TTC39A: variants seen among roughly 807,000 people sequenced by gnomAD.
The protein encoded by TTC39A is tetratricopeptide repeat domain 39A.
Under a neutral mutation model 82.3 loss-of-function variants are expected in TTC39A, and 46 were observed. That is an observed-to-expected ratio of 0.56 (90% CI 0.44 to 0.71). The LOEUF (loss-of-function observed/expected upper bound fraction) is 0.71. TTC39A is among the 30% of genes least tolerant of loss of function. TTC39A has a pLI of 0.00. For missense variants in TTC39A, 543 were observed against 712.9 expected (o/e 0.76, Z 2.71); for synonymous variants, 254 against 275.2 (o/e 0.92, Z 0.76).
intron 1 of TTC39A, chr1:51,344,984 C>T (rs1030672409): frequency 5.2e-6 from 8 of 1,525,834 alleles, no homozygotes; most frequent in South Asian, 4.9e-5. Flanking sequence ...CCACCCCTGC[C>T]CGGTACCTGC....
chr1:51,309,212 A>G, intron 6 of TTC39A, 49 bp downstream of exon 6: 1 of 1,560,710 alleles, frequency 6.4e-7, no homozygotes, highest in Non-Finnish European at 8.7e-7. Context: ...AGCCTAGCAG[A>G]TGCTGTGGCC....
intron 5 of TTC39A, chr1:51,309,559 G>A (rs1022373090): frequency 2.9e-5 from 26 of 902,758 alleles, no homozygotes; most frequent in East Asian, 1.3e-4. Context: ...GAGAGGCCTG[G>A]AGGGGCCACG....
At chr1:51,322,490 C>T (rs1645565489) in intron 1 of TTC39A, among the ~76,000 whole-genome samples, 1 of 152,152 alleles carries the variant, frequency 6.6e-6, no homozygotes. Flanking sequence ...CTATAAGCTT[C>T]CAGGAAGCAA....
chr1:51,322,211 A>G (rs953169009), intron 1 of TTC39A: 43 of 1,524,266 alleles, frequency 2.8e-5, no homozygotes, highest in Non-Finnish European at 3.5e-5. Context: ...TAAATCCCAC[A>G]GCCCCTTTTT....
rs902685419 is a variant in TTC39A at position 51,330,222 on chromosome 1, C to A, written c.41+215G>T. 31 of 985,324 alleles carry A rather than the reference C, an allele frequency of 3.1e-5. No homozygotes were observed. In the African/African-American group the frequency reaches 4.9e-4, roughly 16 times the overall value. 61.0% of individuals were successfully genotyped at this position (985,324 alleles called of 1,614,324 possible). ...AAGTTGGGACCCAGAAGGTGAGTGA[C>A]CGACCCGGGGTCCCCGCGCCTCCGC... On this transcript the variant is annotated intron_variant, in intron 1 of 17. Transcript: ENST00000680483. This position sits in a 1 kb window ranked among gnomAD's most constrained non-coding sequence, Gnocchi z 4.5.
chr1:51,342,951 C>G (rs35273278), intron 1 of TTC39A: 30,110 of 431,662 alleles, frequency 0.07, 1,339 homozygotes, highest in African/African-American at 0.098. Flanking sequence ...CCTGGACCAC[C>G]ACGCCAGCCT....
upstream of TTC39A, among the ~76,000 whole-genome samples, chr1:51,333,011 G>A (rs987998395): frequency 2.0e-5 from 3 of 152,170 alleles, no homozygotes; most frequent in East Asian, 3.9e-4. Context: ...TCAAGAGTTC[G>A]AGACCAGCCT....
In TTC39A at chr1:51,301,762, G is replaced by A. The variant is rs753858327; in HGVS notation, c.892-29C>T. The A allele has an allele frequency of 4.1e-5, 66 of 1,590,976 alleles. No individual in the cohort carries two copies. In the Admixed American group the frequency reaches 1.0e-3, roughly 24 times the overall value. Reference sequence around the variant, plus strand: ...CAGGCACCTTCTGGTCAGCCTGACGGGTGCCCACCCAGCCCCAACCCCTCT... The same window carrying A: ...CAGGCACCTTCTGGTCAGCCTGACGAGTGCCCACCCAGCCCCAACCCCTCT... On this transcript the variant is annotated intron_variant, in intron 11 of 17. Transcript: ENST00000680483.
upstream of TTC39A, among the ~76,000 whole-genome samples, chr1:51,333,441 C>T (rs1282428630): frequency 6.6e-6 from 1 of 152,244 alleles, no homozygotes; most frequent in Non-Finnish European, 1.5e-5. Context: ...CCAGGGTTCT[C>T]CCAGAGCCTT....
rs1177218180 is a variant in TTC39A, at chr1:51,288,640, C to T, written c.1610+199G>A. On this transcript the variant is annotated intron_variant, in intron 17 of 17. Coordinates refer to ENST00000680483, the MANE Select transcript of TTC39A (RefSeq NM_001297663.2). This position sits in a 1 kb window ranked among gnomAD's most constrained non-coding sequence, Gnocchi z 4.8. ...CTTCCTGCCTCTGGGAGTCTAACTG[C>T]GCATTTATACATTAAGAAAGAAGTC... Among the ~76,000 whole-genome samples, 4 of 152,270 alleles carry T rather than the reference C, an allele frequency of 2.6e-5. No homozygotes were observed. Among genetic ancestry groups the T allele is most frequent in the Admixed American group, 6.5e-5 (1 of 15,294 alleles).
intron 8 of TTC39A, 26 bp from the exon 9 acceptor site, chr1:51,303,218 G>T (rs772210029): frequency 6.6e-7 from 1 of 1,509,426 alleles, no homozygotes. Context: ...GGTGGGTGAG[G>T]CTCCCAGAGA....
intron 1 of TTC39A, among the ~76,000 whole-genome samples, chr1:51,323,437 C>T (rs1645600034): frequency 2.0e-5 from 3 of 152,138 alleles, no homozygotes; most frequent in African/African-American, 7.2e-5. Context: ...TCAACCCCTT[C>T]TATGCCCAAT....
intron 16 of TTC39A, 70 bp downstream of exon 16, chr1:51,289,935 G>T: frequency 1.5e-6 from 2 of 1,345,652 alleles, no homozygotes; most frequent in Non-Finnish European, 2.0e-6. Context: ...GTGGGCATGA[G>T]GATGGAGAAG....
upstream of TTC39A, among the ~76,000 whole-genome samples, chr1:51,335,486 G>A (rs756584159): frequency 1.3e-4 from 20 of 148,984 alleles, no homozygotes; most frequent in Non-Finnish European, 2.7e-4. Context: ...ACTTGAACCC[G>A]GGAGGTGGAG....
At chr1:51,312,308 G>T in intron 3 of TTC39A, 113 bp from the exon 4 acceptor site, 1 of 1,084,660 alleles carries the variant, frequency 9.2e-7, no homozygotes, top group Non-Finnish European at 1.3e-6. Context: ...TAGCAAGAAA[G>T]AACACAGGCT....
In TTC39A at chr1:51,294,629, A is replaced by G. The variant is rs1465403379; in HGVS notation, c.1146-118T>C. ...TGGGCCTCAGTTTCCCCATCTGCACAATGACAGTGTTAGACTCTAAAGAGC... is the reference window on the plus strand; with the variant it reads ...TGGGCCTCAGTTTCCCCATCTGCACGATGACAGTGTTAGACTCTAAAGAGC... On this transcript the variant is annotated intron_variant, in intron 13 of 17. Coordinates refer to ENST00000680483, the MANE Select transcript of TTC39A (RefSeq NM_001297663.2). This position sits in a 1 kb window ranked among gnomAD's most constrained non-coding sequence, Gnocchi z 4.3. The G allele has an allele frequency of 4.8e-6, 7 of 1,453,228 alleles. No individual in the cohort carries two copies. In the African/African-American group the frequency reaches 9.8e-5, roughly 20 times the overall value. 90.0% of individuals were successfully genotyped at this position (1,453,228 alleles called of 1,614,324 possible).
intron 6 of TTC39A, among the ~76,000 whole-genome samples, chr1:51,308,780 CGTGT>C (rs201130504): frequency 3.3e-5 from 5 of 151,758 alleles, no homozygotes; most frequent in Non-Finnish European, 7.4e-5. Flanking sequence ...CGTGCATGCA[CGTGT>C]GTGTGTATGT....
intron 2 of TTC39A, among the ~76,000 whole-genome samples, chr1:51,320,416 C>CT (rs57261779): frequency 0.022 from 1,741 of 79,446 alleles, 28 homozygotes; most frequent in Middle Eastern, 0.059. Context: ...TTTTCTTTTT[C>CT]TTTTTTTTTT....
At chr1:51,341,775 G>T (rs1570033533) in intron 1 of TTC39A, among the ~76,000 whole-genome samples, 3 of 152,184 alleles carry the variant, frequency 2.0e-5, no homozygotes, top group African/African-American at 7.2e-5. Context: ...GCTTCAACTT[G>T]CAGGATCTGA....
Sources: gnomAD v4.1 joint callset for allele counts (sites outside exome capture counted in the v4.1 genomes callset) on GRCh38, gnomAD v4.1.1 for gene constraint, Gnocchi (gnomAD v3.1) non-coding constraint, MANE v1.5 for transcripts, NCBI Gene and HGNC (gene_info 2026-07-23, HGNC 2026-07-21) for gene names.